Variants in GAS2 observed in about 807,000 individuals in gnomAD.
GAS2 encodes the protein growth arrest specific 2.
GAS2 carries 20 observed loss-of-function variants against 37.5 expected under a neutral mutation model. The ratio of observed to expected loss-of-function variants is 0.53; its 90% CI spans 0.37 to 0.77. The LOEUF is 0.77. GAS2 is among the 30% of genes least tolerant of loss of function. The pLI is 0.00. For missense variants in GAS2, 336 were observed against 373.4 expected (o/e 0.90, Z 0.82); for synonymous variants, 144 against 132.2 (o/e 1.09, Z -0.61).
At position 22,721,752 on chromosome 11, in the gene GAS2, A is replaced by G. The variant is rs554639912; in HGVS notation, c.268-4540A>G. ...TTTTATCAATGTAGAAAGTTATATTAGAAAACTATTCAGAAGCTAAGGTTC... is the reference window on the plus strand; with the variant it reads ...TTTTATCAATGTAGAAAGTTATATTGGAAAACTATTCAGAAGCTAAGGTTC... On this transcript the variant is annotated intron_variant, in intron 3 of 7. Transcript: ENST00000454584. Among the ~76,000 whole-genome samples, 4 of 152,216 alleles carry G rather than the reference A, an allele frequency of 2.6e-5. No homozygotes were observed. In the South Asian group the frequency reaches 8.3e-4, roughly 32 times the overall value.
chr11:22,756,070 T>C, intron 7 of GAS2, 117 bp downstream of exon 7: 1 of 667,496 alleles, frequency 1.5e-6, no homozygotes, highest in South Asian at 2.0e-5. Flanking sequence ...TAAAGATACA[T>C]GGTATGAATT....
intron 3 of GAS2, among the ~76,000 whole-genome samples, chr11:22,725,944 T>C (rs1852186198): frequency 6.6e-6 from 1 of 152,074 alleles, no homozygotes; most frequent in South Asian, 2.1e-4. Context: ...CAATGAGAAA[T>C]ACATTTATAA....
intron 3 of GAS2, among the ~76,000 whole-genome samples, chr11:22,713,080 AG>A (rs1276147943): frequency 2.1e-5 from 3 of 144,034 alleles, no homozygotes; most frequent in African/African-American, 5.0e-5. Flanking sequence ...AAAAAAAAAA[AG>A]AAAAGAAAAG....
intron 7 of GAS2, among the ~76,000 whole-genome samples, chr11:22,794,670 C>G (rs1001845556): frequency 2.0e-5 from 3 of 151,986 alleles, no homozygotes; most frequent in African/African-American, 7.2e-5. Flanking sequence ...TTCCTTTTTG[C>G]AATAATTTCA....
At chr11:22,810,292 A>AG (rs1857090379) in intron 7 of GAS2, among the ~76,000 whole-genome samples, 1 of 152,178 alleles carries the variant, frequency 6.6e-6, no homozygotes, top group African/African-American at 2.4e-5. Flanking sequence ...ACAACAGATG[A>AG]GGGGTCTCAT....
chr11:22,705,906 G>C lies in GAS2; in HGVS notation c.267+20117G>C, dbSNP rs934259109. Among the ~76,000 whole-genome samples, 3 of 152,186 alleles carry C rather than the reference G, an allele frequency of 2.0e-5. No individual in the cohort carries two copies. In the East Asian group the frequency reaches 5.8e-4, roughly 29 times the overall value. On this transcript the variant is annotated intron_variant, in intron 3 of 7. Coordinates refer to ENST00000454584, the MANE Select transcript of GAS2 (RefSeq NM_001143830.3). ...AAAGGATATTTTAGATTATTCTGAA[G>C]CAGAATGGGAATAAGCAAGGCAGAG...
chr11:22,716,987 G>T (rs1851711279), intron 3 of GAS2, among the ~76,000 whole-genome samples: 1 of 152,148 alleles, frequency 6.6e-6, no homozygotes, highest in Non-Finnish European at 1.5e-5. Flanking sequence ...ACTACGGAAA[G>T]AAATCATAGA....
chr11:22,724,479 A>G, intron 3 of GAS2, among the ~76,000 whole-genome samples: 1 of 147,528 alleles, frequency 6.8e-6, no homozygotes, highest in Non-Finnish European at 1.5e-5. Context: ...GATTTAAGGA[A>G]TTTATATTTT....
intron 1 of GAS2, among the ~76,000 whole-genome samples, chr11:22,649,700 T>C (rs1360067556): frequency 2.6e-5 from 4 of 152,222 alleles, no homozygotes; most frequent in Non-Finnish European, 5.9e-5. Flanking sequence ...CTAGTTTATT[T>C]GCATAGAGGT....
intron 3 of GAS2, among the ~76,000 whole-genome samples, chr11:22,726,069 C>T (rs80118088): frequency 0.014 from 2,104 of 152,046 alleles, 42 homozygotes; most frequent in African/African-American, 0.048. Context: ...CTATCTTAAC[C>T]CCTAGGTACT....
intron 3 of GAS2, among the ~76,000 whole-genome samples, chr11:22,724,502 T>C (rs1852100659): frequency 5.1e-5 from 3 of 58,280 alleles, no homozygotes; most frequent in African/African-American, 2.0e-4. Context: ...TTTTAATACA[T>C]ACTAATTAAT....
At chr11:22,764,476 C>T (rs1854569099) in intron 7 of GAS2, among the ~76,000 whole-genome samples, 1 of 147,664 alleles carries the variant, frequency 6.8e-6, no homozygotes, top group Admixed American at 6.9e-5. Context: ...AGGAGAATGG[C>T]GTGAGCCCGG....
intron 7 of GAS2, among the ~76,000 whole-genome samples, chr11:22,809,551 G>A (rs751229409): frequency 4.6e-5 from 7 of 151,816 alleles, no homozygotes; most frequent in East Asian, 1.9e-4. Flanking sequence ...GCAGTGGCAC[G>A]ATCTCAGCTC....
chr11:22,704,509 A>G (rs943041399), intron 3 of GAS2, among the ~76,000 whole-genome samples: 8 of 148,632 alleles, frequency 5.4e-5, no homozygotes, highest in Admixed American at 4.0e-4. Context: ...TTTACCAATG[A>G]GAAAGCTACT....
chr11:22,753,042 C>T (rs1198038068), intron 6 of GAS2, among the ~76,000 whole-genome samples: 1 of 152,080 alleles, frequency 6.6e-6, no homozygotes, highest in African/African-American at 2.4e-5. Context: ...GAGTTGAATA[C>T]AGTTCTCAGA....
chr11:22,635,582 G>A (rs960347715), intron 1 of GAS2, among the ~76,000 whole-genome samples: 3 of 152,180 alleles, frequency 2.0e-5, no homozygotes, highest in Non-Finnish European at 2.9e-5. Context: ...CTCCCTGTCG[G>A]CCTGCAGACC....
intron 3 of GAS2, among the ~76,000 whole-genome samples, chr11:22,717,093 A>G (rs7120874): frequency 0.011 from 1,618 of 152,250 alleles, 24 homozygotes; most frequent in African/African-American, 0.037. Context: ...TACAAATTCA[A>G]TGTAATTCCC....
chr11:22,658,148 C>T (rs1848876357), intron 1 of GAS2, among the ~76,000 whole-genome samples: 1 of 152,018 alleles, frequency 6.6e-6, no homozygotes, highest in Non-Finnish European at 1.5e-5. Flanking sequence ...GCCTCAGCCT[C>T]TCAAGTAGCT....
intron 3 of GAS2, among the ~76,000 whole-genome samples, chr11:22,715,096 A>G (rs1851598995): frequency 6.6e-6 from 1 of 152,198 alleles, no homozygotes; most frequent in Non-Finnish European, 1.5e-5. Context: ...TGAAAGGATA[A>G]ACAAAATTGA....
Sources: allele counts gnomAD v4.1 joint callset (sites outside exome capture counted in the v4.1 genomes callset), GRCh38; gene constraint gnomAD v4.1.1; transcripts MANE v1.5; gene names NCBI Gene and HGNC (gene_info 2026-07-23, HGNC 2026-07-21).